Variants in PRKCZ observed in about 807,000 individuals in gnomAD.
PRKCZ encodes the protein protein kinase C zeta, also known as protein kinase C zeta type.
Under a neutral mutation model 79.5 loss-of-function variants are expected in PRKCZ, and 33 were observed. The observed-to-expected ratio is 0.41, with a 90% confidence interval of 0.31 to 0.55. The LOEUF is 0.55. Among genes scored for constraint, PRKCZ ranks in the 20% least tolerant of loss-of-function variants. PRKCZ has a pLI of 0.19. For synonymous variants in PRKCZ, 342 were observed against 320.9 expected, an observed-to-expected ratio of 1.07 and a Z score of -0.70; for missense variants, 578 against 813.5, an observed-to-expected ratio of 0.71 and a Z score of 3.52.
At chr1:2,077,164 G>A (rs191456268) in intron 4 of PRKCZ, among the ~76,000 whole-genome samples, 1 of 152,242 alleles carries the variant, frequency 6.6e-6, no homozygotes, top group Non-Finnish European at 1.5e-5. Context: ...CTGGGGCTTC[G>A]TTTCGTCCAC....
chr1:2,117,974 A>G (rs983982883), intron 4 of PRKCZ, among the ~76,000 whole-genome samples: 2 of 121,638 alleles, frequency 1.6e-5, no homozygotes. Flanking sequence ...AACTGTATTT[A>G]TGAGAGAGAT....
Position 2,174,045 on chromosome 1 carries a change from C to T in PRKCZ, c.1405+29C>T, listed in dbSNP as rs144107772. 6.3e-4 allele frequency: 988 copies of T among 1,560,702 alleles called. 11 individuals carry two copies. In the African/African-American group the frequency reaches 0.012, roughly 19 times the overall value. ...CGTGCCCCGCTGTGCGTTCGTACCC[C>T]TCACCTGCACGACTGTCTTCCTTCC... is the stretch of plus-strand genomic sequence containing the variant. On this transcript the variant is annotated intron_variant, in intron 14 of 17. Transcript: ENST00000378567. The surrounding 1 kb of genome is among the most constrained non-coding windows in gnomAD (Gnocchi z 6.2).
chr1:2,174,446 G>C lies in PRKCZ; in HGVS notation c.1406-308G>C, dbSNP rs1191285583. On this transcript the variant is annotated intron_variant, in intron 14 of 17. Coordinates refer to ENST00000378567, the MANE Select transcript of PRKCZ (RefSeq NM_002744.6). The surrounding 1 kb of genome is among the most constrained non-coding windows in gnomAD (Gnocchi z 6.2). ...TGGGGATGTGGGATCTGGGAACGCGGCTGTCTCCGCGGTGCCCTCTGGTGG... is the reference window on the plus strand; with the variant it reads ...TGGGGATGTGGGATCTGGGAACGCGCCTGTCTCCGCGGTGCCCTCTGGTGG... Among the ~76,000 whole-genome samples the C allele has an allele frequency of 6.6e-6, 1 of 152,260 alleles. No homozygotes were observed. The highest frequency in any genetic ancestry group is 2.4e-5 in the African/African-American group (1 of 41,472).
At chr1:2,146,775 A>G (rs1678626000) in intron 7 of PRKCZ, among the ~76,000 whole-genome samples, 1 of 152,322 alleles carries the variant, frequency 6.6e-6, no homozygotes, top group South Asian at 2.1e-4. Flanking sequence ...CAGAACATAA[A>G]GCACTTAGTT....
chr1:2,099,127 C>T (rs767272402), intron 4 of PRKCZ, among the ~76,000 whole-genome samples: 2 of 152,032 alleles, frequency 1.3e-5, no homozygotes, highest in Admixed American at 6.5e-5. Context: ...GTGGGATATT[C>T]GTTGGAGAAG....
intron 1 of PRKCZ, among the ~76,000 whole-genome samples, chr1:2,051,467 T>A (rs1659647616): frequency 6.6e-6 from 1 of 152,158 alleles, no homozygotes; most frequent in Admixed American, 6.5e-5. Context: ...GGTTTGTTCT[T>A]CCACCTGTGC....
intron 4 of PRKCZ, among the ~76,000 whole-genome samples, chr1:2,120,882 C>T (rs201194041): frequency 9.2e-4 from 133 of 145,194 alleles, no homozygotes; most frequent in East Asian, 4.0e-3. Context: ...GGCACGCTCT[C>T]GGCTCACTGC....
At chr1:2,134,249 T>TTA (rs1468145916) in intron 4 of PRKCZ, among the ~76,000 whole-genome samples, 2 of 152,188 alleles carry the variant, frequency 1.3e-5, no homozygotes, top group Admixed American at 6.5e-5. Context: ...GAGGAGCAGG[T>TTA]TTTACCATCC....
chr1:2,071,390 G>T, intron 4 of PRKCZ: 1 of 434,280 alleles, frequency 2.3e-6, no homozygotes, highest in South Asian at 1.6e-5. Context: ...GTGGGGCTGC[G>T]CGACCGCCTG....
chr1:2,124,085 G>GCGGTTAGGGTCACGGCGA (rs1673239151), intron 4 of PRKCZ, among the ~76,000 whole-genome samples: 1 of 5,948 alleles, frequency 1.7e-4, no homozygotes, highest in Non-Finnish European at 2.6e-4. Flanking sequence ...GGTCACGGCG[G>GCGGTTAGGGTCACGGCGA]CGGTTAGGGT....
At chr1:2,056,385 C>T (rs991015177) in intron 2 of PRKCZ, 99 bp from the exon 3 acceptor site, 98 of 1,106,512 alleles carry the variant, frequency 8.9e-5, no homozygotes, top group Non-Finnish European at 1.2e-4. Flanking sequence ...GGGACTTTGC[C>T]CCCCACCAGA....
At chr1:2,063,826 A>G (rs559730702) in intron 4 of PRKCZ, among the ~76,000 whole-genome samples, 1 of 143,136 alleles carries the variant, frequency 7.0e-6, no homozygotes, top group South Asian at 2.3e-4. Flanking sequence ...GCATTTTTTC[A>G]TGTGCCTGTT....
At chr1:2,153,422 G>A (rs958417003) in intron 9 of PRKCZ, among the ~76,000 whole-genome samples, 1 of 152,246 alleles carries the variant, frequency 6.6e-6, no homozygotes, top group Non-Finnish European at 1.5e-5. Flanking sequence ...CTCCTCGCCA[G>A]CCATGCTCGG....
rs56402864 is a variant in PRKCZ at position 2,184,675 on chromosome 1, C to G, written c.1668C>G (p.Pro556=). The change falls in exon 17 of 18, where the codon CCC becomes CCG. Residue 556 remains proline, a synonymous_variant. Coordinates refer to ENST00000378567, the MANE Select transcript of PRKCZ (RefSeq NM_002744.6). ...TTGACACACAGTTCACCAGCGAGCC[C>G]GTGCAGCTGACCCCAGACGATGAGT... The part of the protein sequence containing the change: ...DNFDTQFTSE[P]VQLTPDDEDA... 1.6e-3 allele frequency: 2,649 copies of G among 1,613,726 alleles called. 6 individuals carry two copies. Among genetic ancestry groups the G allele is most frequent in the Non-Finnish European group, 1.9e-3 (2,288 of 1,179,852 alleles).
intron 4 of PRKCZ, among the ~76,000 whole-genome samples, chr1:2,118,630 C>T (rs1671224836): frequency 6.6e-6 from 1 of 152,002 alleles, no homozygotes. Context: ...AGCCACTGTG[C>T]CCGGCCAAAT....
chr1:2,122,141 GGTGGTTAGGGTC>G (rs1462320671), intron 4 of PRKCZ, among the ~76,000 whole-genome samples: 4 of 18,562 alleles, frequency 2.2e-4, no homozygotes, highest in Admixed American at 1.4e-3. Flanking sequence ...TTAGGGTCGT[GGTGGTTAGGGTC>G]GTGGTGGTTA....
rs1160875949 is a variant in PRKCZ at position 2,091,881 on chromosome 1, G to A, written c.334+32290G>A. ...TCCTGTGTTGGGGCCACGGAGTTGTGGGCAATTGTTTCTTTTTCTTTTACT... is the reference window on the plus strand; with the variant it reads ...TCCTGTGTTGGGGCCACGGAGTTGTAGGCAATTGTTTCTTTTTCTTTTACT... On this transcript the variant is annotated intron_variant, in intron 4 of 17. Transcript: ENST00000378567. 5.3e-5 allele frequency among the ~76,000 whole-genome samples: 8 copies of A among 152,258 alleles called. No individual in the cohort carries two copies. The South Asian group carries it at 1.7e-3, about 32-fold the overall frequency.
chr1:2,066,842 G>A (rs1661161666), intron 4 of PRKCZ, among the ~76,000 whole-genome samples: 1 of 152,198 alleles, frequency 6.6e-6, no homozygotes, highest in Non-Finnish European at 1.5e-5. Context: ...GATCACTTGA[G>A]GCCAGGAGTT....
chr1:2,152,085 A>G (rs1680009714), intron 9 of PRKCZ, among the ~76,000 whole-genome samples: 1 of 152,038 alleles, frequency 6.6e-6, no homozygotes, highest in South Asian at 2.1e-4. Context: ...TCCTGCGCTC[A>G]TGCACTCTGC....
Sources: allele counts gnomAD v4.1 joint callset (sites outside exome capture counted in the v4.1 genomes callset), GRCh38; gene constraint gnomAD v4.1.1; non-coding constraint Gnocchi (gnomAD v3.1); transcripts MANE v1.5; gene names NCBI Gene and HGNC (gene_info 2026-07-23, HGNC 2026-07-21).